The following THRB variants were observed in gnomAD, a reference collection of about 807,000 sequenced individuals.
The protein encoded by THRB is nuclear receptor subfamily 1 group A member 2.
A neutral mutation model predicts 47.8 loss-of-function variants in THRB; 12 were observed. That is an observed-to-expected ratio of 0.25 (90% CI 0.16 to 0.41). THRB has a LOEUF of 0.41. Ranked by LOEUF, THRB falls within the 10% of genes least tolerant of loss-of-function variation. The pLI is 1.00. For missense variants in THRB, 348 were observed against 589.2 expected, an observed-to-expected ratio of 0.59 and a Z score of 4.24; for synonymous variants, 218 against 212.2, an observed-to-expected ratio of 1.03 and a Z score of -0.24.
intron 1 of THRB, among the ~76,000 whole-genome samples, chr3:24,344,750 A>G: frequency 6.6e-6 from 1 of 152,074 alleles, no homozygotes; most frequent in East Asian, 1.9e-4. Flanking sequence ...CCTGTGATAC[A>G]CTTGGATACC....
chr3:24,259,457 G>A (rs958472965), intron 3 of THRB, among the ~76,000 whole-genome samples: 1 of 152,144 alleles, frequency 6.6e-6, no homozygotes, highest in East Asian at 1.9e-4. Context: ...CAGTGTATGT[G>A]TATGCTGCTT....
At chr3:24,264,390 T>TTTTGTTTG (rs150941796) in intron 3 of THRB, among the ~76,000 whole-genome samples, 1 of 152,150 alleles carries the variant, frequency 6.6e-6, no homozygotes, top group East Asian at 1.9e-4. Flanking sequence ...CTCTTAAATT[T>TTTTGTTTG]TTTGTTTGTT....
chr3:24,373,950 C>G (rs1171862241), intron 1 of THRB, among the ~76,000 whole-genome samples: 1 of 151,680 alleles, frequency 6.6e-6, no homozygotes, highest in Non-Finnish European at 1.5e-5. Flanking sequence ...TACATCATTT[C>G]CCTTTTTTTT....
In THRB at chr3:24,119,802, T is replaced by G. The variant is rs2031330619; in HGVS notation, c.*3082A>C. On this transcript the variant is annotated 3_prime_UTR_variant, in exon 11 of 11. Transcript: ENST00000646209. ...ATCATAAAGAAGAAAACATCTTACT[T>G]TTTTCATTGTTTCTGGAAATACTGC... 1 of 152,192 alleles carries G rather than the reference T, an allele frequency of 6.6e-6. No homozygotes were observed. The highest frequency in any genetic ancestry group is 1.5e-5 in the Non-Finnish European group (1 of 68,040). The allele number at this position is 152,192 out of a possible 1,614,324, so 9.4% of individuals were successfully genotyped here. A position where few individuals can be genotyped will look rare whatever the true frequency, so the allele number is the denominator to read the frequency against.
At chr3:24,242,978 G>A (rs1005223920) in intron 3 of THRB, among the ~76,000 whole-genome samples, 7 of 149,088 alleles carry the variant, frequency 4.7e-5, no homozygotes, top group Admixed American at 4.1e-4. Flanking sequence ...TTGTTTCCTA[G>A]CTGCAAAGTC....
intron 6 of THRB, among the ~76,000 whole-genome samples, chr3:24,147,178 A>G: frequency 6.6e-6 from 1 of 152,234 alleles, no homozygotes. Flanking sequence ...GTGTTGCTAA[A>G]TTAAGCTATG....
At chr3:24,485,253 G>C (rs1697114874) in intron 1 of THRB, among the ~76,000 whole-genome samples, 1 of 152,196 alleles carries the variant, frequency 6.6e-6, no homozygotes. Flanking sequence ...AGCTTCACTT[G>C]AAAACATTTT....
At chr3:24,453,351 A>G (rs1450921959) in intron 1 of THRB, among the ~76,000 whole-genome samples, 9 of 152,216 alleles carry the variant, frequency 5.9e-5, no homozygotes, top group Admixed American at 2.0e-4. Flanking sequence ...TAATTTGCCC[A>G]AGGTCATACA....
chr3:24,377,034 C>T (rs1314819637), intron 1 of THRB, among the ~76,000 whole-genome samples: 1 of 152,066 alleles, frequency 6.6e-6, no homozygotes, highest in Non-Finnish European at 1.5e-5. Context: ...GCCTCCTAGA[C>T]TCAAGCAATC....
chr3:24,209,779 CA>C (rs1480468825), intron 4 of THRB, among the ~76,000 whole-genome samples: 1 of 151,894 alleles, frequency 6.6e-6, no homozygotes, highest in Admixed American at 6.6e-5. Flanking sequence ...ACAAAATTAA[CA>C]AACTGCACAT....
intron 3 of THRB, among the ~76,000 whole-genome samples, chr3:24,283,059 G>A (rs1453464744): frequency 6.6e-6 from 1 of 151,132 alleles, no homozygotes; most frequent in Non-Finnish European, 1.5e-5. Flanking sequence ...TAGAAAAAGA[G>A]GGAATCCTCC....
intron 1 of THRB, among the ~76,000 whole-genome samples, chr3:24,364,816 A>C (rs2064337869): frequency 6.6e-6 from 1 of 152,174 alleles, no homozygotes; most frequent in African/African-American, 2.4e-5. Flanking sequence ...AGGTTTTGAA[A>C]ACTTCTCCTA....
intron 2 of THRB, among the ~76,000 whole-genome samples, chr3:24,318,879 C>G (rs2058296372): frequency 1.3e-5 from 2 of 152,202 alleles, no homozygotes; most frequent in Admixed American, 6.5e-5. Flanking sequence ...CATCACTTCT[C>G]TCTAGAAAGA....
intron 3 of THRB, among the ~76,000 whole-genome samples, chr3:24,282,758 C>T (rs1196979939): frequency 6.7e-6 from 1 of 149,498 alleles, no homozygotes; most frequent in Non-Finnish European, 1.5e-5. Context: ...AGGATATCAC[C>T]ACCGATCCCA....
intron 1 of THRB, among the ~76,000 whole-genome samples, chr3:24,405,605 A>G (rs2067757426): frequency 1.3e-5 from 2 of 151,654 alleles, no homozygotes; most frequent in African/African-American, 4.8e-5. Context: ...AGTTTTTTTC[A>G]TTGTATACAG....
chr3:24,454,697 C>T (rs2073001531), intron 1 of THRB, among the ~76,000 whole-genome samples: 1 of 152,098 alleles, frequency 6.6e-6, no homozygotes, highest in African/African-American at 2.4e-5. Context: ...ATCTCTCTCT[C>T]TTCTCATAAT....
At chr3:24,266,796 GA>G (rs1433158838) in intron 3 of THRB, among the ~76,000 whole-genome samples, 3 of 152,084 alleles carry the variant, frequency 2.0e-5, no homozygotes, top group Non-Finnish European at 4.4e-5. Flanking sequence ...TACTCTAGTA[GA>G]GTGAAAAAAT....
At chr3:24,258,441 C>G (rs1212387216) in intron 3 of THRB, among the ~76,000 whole-genome samples, 3 of 152,158 alleles carry the variant, frequency 2.0e-5, no homozygotes, top group African/African-American at 7.2e-5. Context: ...TCCAGTCCTG[C>G]GCCAAGCTGC....
intron 2 of THRB, among the ~76,000 whole-genome samples, chr3:24,308,821 C>T (rs867827184): frequency 6.6e-6 from 1 of 152,128 alleles, no homozygotes; most frequent in Non-Finnish European, 1.5e-5. Flanking sequence ...TGAAGTGAAA[C>T]TCTTCTTCAT....
Sources: allele counts gnomAD v4.1 joint callset (sites outside exome capture counted in the v4.1 genomes callset), GRCh38; gene constraint gnomAD v4.1.1; transcripts MANE v1.5; gene names NCBI Gene and HGNC (gene_info 2026-07-23, HGNC 2026-07-21).